CDC42SE2: variants seen among roughly 807,000 people sequenced by gnomAD.
The protein encoded by CDC42SE2 is CDC42 small effector protein 2.
A neutral mutation model predicts 11.5 loss-of-function variants in CDC42SE2; 3 were observed. The observed-to-expected ratio is 0.26, with a 90% CI of 0.12 to 0.67. CDC42SE2 has a LOEUF of 0.67. CDC42SE2 is among the 30% of genes least tolerant of loss of function. CDC42SE2 has a pLI of 0.80. For synonymous variants in CDC42SE2, 33 were observed against 34.8 expected (o/e 0.95, Z 0.18); for missense variants, 82 against 106.8 (o/e 0.77, Z 1.02).
At position 131,350,637 on chromosome 5, in the gene CDC42SE2, G is replaced by GTGTATATA. The variant is rs147203202; in HGVS notation, c.-285-8571_-285-8570insGTATATAT. ...TGTGTGTGTGTGTGTGTGTGTGTGT[G>GTGTATATA]TATATATATATGTATATATAATTTG... On this transcript the variant is annotated intron_variant, in intron 2 of 4. Transcript: ENST00000505065. Among the ~76,000 whole-genome samples the GTGTATATA allele has an allele frequency of 3.0e-3, 449 of 147,702 alleles. 4 individuals carry two copies. Among genetic ancestry groups the GTGTATATA allele is most frequent in the African/African-American group, 0.011 (424 of 39,882 alleles).
chr5:131,304,701 T>C (rs1479956279), intron 1 of CDC42SE2, among the ~76,000 whole-genome samples: 1 of 152,192 alleles, frequency 6.6e-6, no homozygotes, highest in East Asian at 1.9e-4. Context: ...GAGTACTGTT[T>C]TTGGCATATG....
chr5:131,336,485 T>G (rs934532650), intron 2 of CDC42SE2, among the ~76,000 whole-genome samples: 1 of 152,180 alleles, frequency 6.6e-6, no homozygotes, highest in Non-Finnish European at 1.5e-5. Flanking sequence ...CTTTGTGGTG[T>G]TCTCTGTATT....
chr5:131,246,967 C>T (rs1335975740), intron 1 of CDC42SE2, among the ~76,000 whole-genome samples: 1 of 152,118 alleles, frequency 6.6e-6, no homozygotes, highest in East Asian at 1.9e-4. Context: ...TGGTCTCAAA[C>T]TCCCAACCTC....
chr5:131,263,331 A>T (rs1580717912), upstream of CDC42SE2, among the ~76,000 whole-genome samples: 1 of 152,252 alleles, frequency 6.6e-6, no homozygotes, highest in South Asian at 2.1e-4. Flanking sequence ...CTTCAGTGGC[A>T]TTACGCTATC....
chr5:131,308,085 G>A (rs530433801), intron 1 of CDC42SE2, among the ~76,000 whole-genome samples: 2 of 152,190 alleles, frequency 1.3e-5, no homozygotes, highest in East Asian at 1.9e-4. Context: ...GAGGTCAAAC[G>A]TTTAAGTCTT....
chr5:131,317,950 C>G (rs1469999634), intron 2 of CDC42SE2, among the ~76,000 whole-genome samples: 1 of 151,564 alleles, frequency 6.6e-6, no homozygotes, highest in Non-Finnish European at 1.5e-5. Context: ...GGGTCTCACT[C>G]TGTTGCCCAG....
chr5:131,213,048 G>C, the CDC42SE2 span, among the ~76,000 whole-genome samples: 2 of 152,268 alleles, frequency 1.3e-5, no homozygotes, highest in East Asian at 3.9e-4. Context: ...AAATTAGCCA[G>C]GCATGGTGGT....
intron 1 of CDC42SE2, among the ~76,000 whole-genome samples, chr5:131,246,461 A>C (rs1040128319): frequency 1.3e-5 from 2 of 152,188 alleles, no homozygotes; most frequent in Non-Finnish European, 2.9e-5. Flanking sequence ...TCCCAAAAAA[A>C]TAAAATAAAA....
chr5:131,297,921 C>A (rs1202265391), intron 1 of CDC42SE2, among the ~76,000 whole-genome samples: 1 of 151,862 alleles, frequency 6.6e-6, no homozygotes, highest in Non-Finnish European at 1.5e-5. Flanking sequence ...ATCTTAATGA[C>A]AGTTTTTCAT....
At chr5:131,214,141 A>G in the CDC42SE2 span, among the ~76,000 whole-genome samples, 1 of 152,258 alleles carries the variant, frequency 6.6e-6, no homozygotes, top group Non-Finnish European at 1.5e-5. Flanking sequence ...ATAAAAACAC[A>G]GTATGATGTA....
chr5:131,279,591 C>CT (rs1365698259), intron 1 of CDC42SE2, among the ~76,000 whole-genome samples: 1 of 151,728 alleles, frequency 6.6e-6, no homozygotes, highest in African/African-American at 2.4e-5. Flanking sequence ...TCTGTGATTT[C>CT]TTTTACAAAT....
chr5:131,335,951 G>A (rs1195201509), intron 2 of CDC42SE2, among the ~76,000 whole-genome samples: 1 of 152,148 alleles, frequency 6.6e-6, no homozygotes, highest in Non-Finnish European at 1.5e-5. Context: ...TTTAATTGGA[G>A]CATTTAGCCC....
chr5:131,324,006 G>A lies in CDC42SE2; in HGVS notation c.-286+7862G>A, dbSNP rs147859728. Among the ~76,000 whole-genome samples the A allele has an allele frequency of 4.2e-3, 634 of 152,196 alleles. 6 individuals carry two copies. Among genetic ancestry groups the A allele is most frequent in the African/African-American group, 0.015 (614 of 41,520 alleles). ...TTTCAAGAAAATTTTAGGGGTGTGA[G>A]TGTTCTACAACAAAATTAATAGCTT... On this transcript the variant is annotated intron_variant, in intron 2 of 4. Coordinates refer to ENST00000505065, the MANE Select transcript of CDC42SE2 (RefSeq NM_001375635.1).
chr5:131,370,728 G>A (rs1749992703), intron 3 of CDC42SE2, among the ~76,000 whole-genome samples: 1 of 152,164 alleles, frequency 6.6e-6, no homozygotes, highest in Non-Finnish European at 1.5e-5. Context: ...TGTAAATGAT[G>A]TGCAAATCTC....
upstream of CDC42SE2, among the ~76,000 whole-genome samples, chr5:131,243,848 A>T (rs1157324706): frequency 6.6e-6 from 1 of 152,244 alleles, no homozygotes; most frequent in Non-Finnish European, 1.5e-5. Flanking sequence ...CCTGCTGCCC[A>T]GGCTCATATC....
chr5:131,232,734 C>CA, the CDC42SE2 span, among the ~76,000 whole-genome samples: 2,558 of 41,826 alleles, frequency 0.061, 54 homozygotes, highest in African/African-American at 0.069. Flanking sequence ...GACTCGGTCT[C>CA]AAAAAAAAAA....
chr5:131,379,121 C>T (rs1750241403), intron 3 of CDC42SE2, among the ~76,000 whole-genome samples: 1 of 152,222 alleles, frequency 6.6e-6, no homozygotes, highest in Non-Finnish European at 1.5e-5. Context: ...GTCAGCATAG[C>T]TTTCAACCTT....
chr5:131,337,532 G>T (rs896216981), intron 2 of CDC42SE2, among the ~76,000 whole-genome samples: 1 of 152,224 alleles, frequency 6.6e-6, no homozygotes, highest in African/African-American at 2.4e-5. Flanking sequence ...AGAGGTTATT[G>T]CTGTCTTTTG....
intron 1 of CDC42SE2, among the ~76,000 whole-genome samples, chr5:131,280,982 G>T (rs1388438624): frequency 1.3e-5 from 2 of 152,182 alleles, no homozygotes; most frequent in Admixed American, 1.3e-4. Context: ...CCTTGTGGAA[G>T]AATTGCTCAT....
Sources: gnomAD v4.1 joint callset for allele counts (sites outside exome capture counted in the v4.1 genomes callset) on GRCh38, gnomAD v4.1.1 for gene constraint, MANE v1.5 for transcripts, NCBI Gene and HGNC (gene_info 2026-07-23, HGNC 2026-07-21) for gene names.